FHIP1A: variants seen among roughly 807,000 people sequenced by gnomAD.
FHIP1A encodes the protein FHF complex subunit HOOK-interacting protein 1A.
FHIP1A carries 61 observed loss-of-function variants against 88.6 expected under a neutral mutation model. That is an observed-to-expected ratio of 0.69 (90% CI 0.56 to 0.85). FHIP1A has a LOEUF of 0.85. Ranked by LOEUF, FHIP1A falls within the 40% of genes least tolerant of loss-of-function variation. The pLI is 0.00. For missense variants in FHIP1A, 1,154 were observed against 1,273.5 expected (o/e 0.91, Z 1.43); for synonymous variants, 478 against 496.0 (o/e 0.96, Z 0.48).
chr4:151,607,473 T>C (rs1427296465), intron 7 of FHIP1A, among the ~76,000 whole-genome samples: 2 of 152,192 alleles, frequency 1.3e-5, no homozygotes, highest in Non-Finnish European at 2.9e-5. Context: ...AAAATTTTAG[T>C]GACAAGTGTA....
chr4:151,603,413 A>G (rs780579815), intron 7 of FHIP1A, among the ~76,000 whole-genome samples: 17 of 151,746 alleles, frequency 1.1e-4, no homozygotes, highest in Non-Finnish European at 1.0e-4. Flanking sequence ...CTTTGATGCC[A>G]CACTCTGAAC....
chr4:151,595,445 A>G (rs1578796782), intron 7 of FHIP1A, among the ~76,000 whole-genome samples: 1 of 152,212 alleles, frequency 6.6e-6, no homozygotes, highest in South Asian at 2.1e-4. Context: ...TTTACTTCCA[A>G]TTGTGTGGTC....
intron 2 of FHIP1A, among the ~76,000 whole-genome samples, chr4:151,481,816 T>C (rs917183514): frequency 6.6e-6 from 1 of 152,150 alleles, no homozygotes; most frequent in Non-Finnish European, 1.5e-5. Context: ...TTAGTCTCTC[T>C]AGATGTTCTT....
chr4:151,578,139 T>C, intron 5 of FHIP1A, 63 bp downstream of exon 5: 1 of 1,411,280 alleles, frequency 7.1e-7, no homozygotes, highest in Non-Finnish European at 9.5e-7. Flanking sequence ...TTGCTAGTGA[T>C]GAATACTTTC....
At chr4:151,526,414 G>A (rs1181828069) in intron 3 of FHIP1A, among the ~76,000 whole-genome samples, 11 of 148,652 alleles carry the variant, frequency 7.4e-5, no homozygotes, top group African/African-American at 1.5e-4. Context: ...CTCCCGGACC[G>A]GGGTGGCTGG....
intron 1 of FHIP1A, among the ~76,000 whole-genome samples, chr4:151,422,698 C>T (rs1733219280): frequency 6.6e-6 from 1 of 152,150 alleles, no homozygotes; most frequent in Non-Finnish European, 1.5e-5. Flanking sequence ...GCCAGAGACA[C>T]TTTTCAGTGG....
At chr4:151,507,508 T>C (rs1730877056) in intron 3 of FHIP1A, among the ~76,000 whole-genome samples, 1 of 152,220 alleles carries the variant, frequency 6.6e-6, no homozygotes, top group Admixed American at 6.5e-5. Flanking sequence ...CCTCTTTCCA[T>C]TTAATATGTG....
rs774789817 is a variant in FHIP1A, at chr4:151,577,555, A to G, written c.211A>G (p.Met71Val). ...ASAVQNYVEH[M>V]LFLLIEEQAK... ...TGCCGTGCAGAATTACGTAGAACAC[A>G]TGCTCTTCTTGTTGATTGAAGAGCA... Residue 71 changes from methionine to valine, a missense_variant, in exon 5 of 14, where the codon ATG becomes GTG. Transcript: ENST00000435205. 4 of 1,551,796 alleles carry G rather than the reference A, an allele frequency of 2.6e-6. No homozygotes were observed. Among genetic ancestry groups the G allele is most frequent in the Admixed American group, 2.0e-5 (1 of 50,984 alleles).
intron 3 of FHIP1A, among the ~76,000 whole-genome samples, chr4:151,543,269 T>C (rs1477547624): frequency 6.6e-6 from 1 of 152,170 alleles, no homozygotes; most frequent in Non-Finnish European, 1.5e-5. Flanking sequence ...AGCACTGTAC[T>C]GTAAACCTAA....
At chr4:151,416,988 T>C (rs191652469) in intron 1 of FHIP1A, among the ~76,000 whole-genome samples, 4 of 152,288 alleles carry the variant, frequency 2.6e-5, no homozygotes, top group Admixed American at 2.6e-4. Context: ...TTTTGGCATG[T>C]TGCTCAGGCT....
intron 5 of FHIP1A, among the ~76,000 whole-genome samples, chr4:151,582,610 T>TA (rs916177401): frequency 3.9e-4 from 60 of 152,354 alleles, no homozygotes; most frequent in Admixed American, 3.0e-3. Flanking sequence ...TTTGCTTTTT[T>TA]GTCTGTTGTT....
intron 8 of FHIP1A, among the ~76,000 whole-genome samples, chr4:151,635,599 A>G (rs1380681209): frequency 7.2e-5 from 11 of 151,942 alleles, no homozygotes; most frequent in Admixed American, 7.2e-4. Context: ...ATGATCTTTG[A>G]GGGTATTATG....
chr4:151,499,428 A>T (rs1292448866), intron 3 of FHIP1A, among the ~76,000 whole-genome samples: 3 of 152,152 alleles, frequency 2.0e-5, no homozygotes, highest in African/African-American at 7.2e-5. Context: ...CAGCCTGGTG[A>T]TCTGAACTAC....
intron 2 of FHIP1A, among the ~76,000 whole-genome samples, chr4:151,458,153 G>T (rs1428520526): frequency 6.6e-6 from 1 of 152,312 alleles, no homozygotes; most frequent in Non-Finnish European, 1.5e-5. Flanking sequence ...TGCCCATGTC[G>T]CAGAGGTCAT....
intron 2 of FHIP1A, among the ~76,000 whole-genome samples, chr4:151,479,735 C>T (rs1456877564): frequency 2.0e-5 from 3 of 152,002 alleles, no homozygotes; most frequent in Non-Finnish European, 4.4e-5. Context: ...GATATTAATT[C>T]TCTCTCCCCA....
chr4:151,542,424 GT>G (rs1462789183), intron 3 of FHIP1A, among the ~76,000 whole-genome samples: 1 of 151,920 alleles, frequency 6.6e-6, no homozygotes, highest in East Asian at 1.9e-4. Context: ...CTTCAAAGTT[GT>G]TTTGATTTGT....
intron 3 of FHIP1A, among the ~76,000 whole-genome samples, chr4:151,563,710 C>T (rs1041121024): frequency 6.6e-6 from 1 of 152,110 alleles, no homozygotes. Flanking sequence ...CTAACTTGTG[C>T]TGGGCATGGT....
chr4:151,491,268 A>G (rs1730270798), intron 3 of FHIP1A, among the ~76,000 whole-genome samples: 1 of 152,286 alleles, frequency 6.6e-6, no homozygotes, highest in African/African-American at 2.4e-5. Flanking sequence ...TATAAAGGAA[A>G]ACCTATCAGA....
chr4:151,662,860 C>A lies in FHIP1A; in HGVS notation c.*106C>A. 1 of 1,099,752 alleles carries A rather than the reference C, an allele frequency of 9.1e-7. No individual in the cohort carries two copies. Among genetic ancestry groups the A allele is most frequent in the Non-Finnish European group, 1.2e-6 (1 of 808,290 alleles). The allele number at this position is 1,099,752 out of a possible 1,614,324, so 68.1% of individuals were successfully genotyped here. ...ACAAAGATTTCTACTTTAATGTTTCCTGACAATACTTGATTTGTGGGGAGG... is the reference window on the plus strand; with the variant it reads ...ACAAAGATTTCTACTTTAATGTTTCATGACAATACTTGATTTGTGGGGAGG... On this transcript the variant is annotated 3_prime_UTR_variant, in exon 14 of 14. Coordinates refer to ENST00000435205, the MANE Select transcript of FHIP1A (RefSeq NM_001109977.3).
Sources: allele counts gnomAD v4.1 joint callset (sites outside exome capture counted in the v4.1 genomes callset), GRCh38; gene constraint gnomAD v4.1.1; transcripts MANE v1.5; gene names NCBI Gene and HGNC (gene_info 2026-07-23, HGNC 2026-07-21).